CNOT2: variants seen among roughly 807,000 people sequenced by gnomAD.
The protein encoded by CNOT2 is CC chemokine receptor 4-negative regulator of transcription 2.
Under a neutral mutation model 72.1 loss-of-function variants are expected in CNOT2, and 7 were observed. That is an observed-to-expected ratio of 0.10 (90% CI 0.06 to 0.18). CNOT2 has a LOEUF of 0.18. CNOT2 is among the 10% of genes least tolerant of loss of function. CNOT2 has a pLI of 1.00. For missense variants in CNOT2, 345 were observed against 660.3 expected (o/e 0.52, Z 5.23); for synonymous variants, 196 against 225.6 (o/e 0.87, Z 1.17).
chr12:70,335,810 TCAG>T, intron 8 of CNOT2: 1 of 296,412 alleles, frequency 3.4e-6, no homozygotes, highest in East Asian at 6.0e-5. Flanking sequence ...TCATTGGTAT[TCAG>T]AAGTTATTTT....
intron 2 of CNOT2, chr12:70,308,021 T>A (rs1053852374): frequency 2.0e-5 from 3 of 152,342 alleles, no homozygotes; most frequent in African/African-American, 7.2e-5. Context: ...CTATATGGTC[T>A]AGCCCCAACC....
intron 4 of CNOT2, among the ~76,000 whole-genome samples, chr12:70,321,257 G>A (rs1217075274): frequency 1.3e-5 from 2 of 151,726 alleles, no homozygotes; most frequent in Admixed American, 6.6e-5. Context: ...TCAGGTCAGG[G>A]TGTAATTATG....
intron 15 of CNOT2, among the ~76,000 whole-genome samples, chr12:70,350,003 ATT>A (rs569195970): frequency 6.9e-6 from 1 of 145,222 alleles, no homozygotes; most frequent in African/African-American, 2.5e-5. Flanking sequence ...GCCAGATCCT[ATT>A]TTTTTTTTTA....
chr12:70,333,274 AC>A (rs1333212229), intron 7 of CNOT2, among the ~76,000 whole-genome samples: 3 of 151,862 alleles, frequency 2.0e-5, no homozygotes, highest in African/African-American at 7.2e-5. Context: ...TGGAACACTT[AC>A]GTTTTTTCTT....
chr12:70,292,684 G>T (rs978632787), intron 2 of CNOT2, among the ~76,000 whole-genome samples: 1 of 152,162 alleles, frequency 6.6e-6, no homozygotes, highest in Non-Finnish European at 1.5e-5. Flanking sequence ...CCTTGGTAAT[G>T]GTGCAGGAGT....
chr12:70,282,700 C>T (rs530359833), intron 2 of CNOT2, among the ~76,000 whole-genome samples: 1 of 152,318 alleles, frequency 6.6e-6, no homozygotes, highest in East Asian at 1.9e-4. Flanking sequence ...CCTCTGCCCT[C>T]TTCCCCAGAA....
Position 70,342,088 on chromosome 12 carries a change from T to C in CNOT2, c.1179-19T>C. 6.8e-7 allele frequency: 1 copy of C among 1,478,640 alleles called. No homozygotes were observed. Among genetic ancestry groups the C allele is most frequent in the South Asian group, 1.1e-5 (1 of 88,014 alleles). 91.6% of individuals were successfully genotyped at this position (1,478,640 alleles called of 1,614,324 possible). The stretch of plus-strand genomic sequence containing the variant: ...TCTTTTTCTGGATTTCAAAATGTTT[T>C]CTTTTCCTCCTTATTCAGAAATCTC... On this transcript the variant is annotated intron_variant, in intron 11 of 15. Coordinates refer to ENST00000229195, the MANE Select transcript of CNOT2 (RefSeq NM_014515.7).
At chr12:70,275,024 G>A (rs1345042423) in intron 1 of CNOT2, among the ~76,000 whole-genome samples, 1 of 152,022 alleles carries the variant, frequency 6.6e-6, no homozygotes, top group Non-Finnish European at 1.5e-5. Context: ...TAACTTTGGG[G>A]CATAGTTGCT....
At chr12:70,311,609 A>G (rs1876473344) in intron 3 of CNOT2, among the ~76,000 whole-genome samples, 1 of 152,040 alleles carries the variant, frequency 6.6e-6, no homozygotes, top group African/African-American at 2.4e-5. Flanking sequence ...GGATAAAAGG[A>G]TTTAGAATGC....
At chr12:70,304,036 C>G (rs868338130) in intron 2 of CNOT2, among the ~76,000 whole-genome samples, 13 of 152,166 alleles carry the variant, frequency 8.5e-5, no homozygotes, top group African/African-American at 3.1e-4. Context: ...GTTCTCGTGC[C>G]GTGGTTTTCA....
At chr12:70,329,911 C>T (rs1264232520) in intron 5 of CNOT2, among the ~76,000 whole-genome samples, 1 of 151,982 alleles carries the variant, frequency 6.6e-6, no homozygotes, top group Non-Finnish European at 1.5e-5. Context: ...CGCCACACAT[C>T]CATTGCTCTA....
chr12:70,243,873 C>T (rs1368993593), intron 1 of CNOT2: 2 of 152,252 alleles, frequency 1.3e-5, no homozygotes, highest in Admixed American at 6.5e-5. Flanking sequence ...GAGCCGCTGC[C>T]GCCGCGCTGC....
At chr12:70,290,383 T>C (rs1415195802) in intron 2 of CNOT2, among the ~76,000 whole-genome samples, 1 of 152,138 alleles carries the variant, frequency 6.6e-6, no homozygotes, top group Non-Finnish European at 1.5e-5. Flanking sequence ...CTGGCTGCCT[T>C]TAATTGCCCT....
chr12:70,294,210 C>G (rs1437418754), intron 2 of CNOT2: 1 of 1,289,376 alleles, frequency 7.8e-7, no homozygotes, highest in East Asian at 5.6e-5. Flanking sequence ...CATGGCTCAC[C>G]CTCCAACCTT....
chr12:70,340,978 C>T (rs1050927648), intron 11 of CNOT2, among the ~76,000 whole-genome samples: 8 of 150,018 alleles, frequency 5.3e-5, no homozygotes, highest in Non-Finnish European at 1.2e-4. Context: ...TCATTACAAC[C>T]TCCACCTCCC....
At chr12:70,298,128 T>C (rs1873148946) in intron 2 of CNOT2, among the ~76,000 whole-genome samples, 2 of 152,248 alleles carry the variant, frequency 1.3e-5, no homozygotes, top group African/African-American at 4.8e-5. Flanking sequence ...TACATGTGAT[T>C]AGTCTTGTAG....
chr12:70,315,938 T>A (rs1239650025), intron 3 of CNOT2, among the ~76,000 whole-genome samples: 1 of 152,210 alleles, frequency 6.6e-6, no homozygotes, highest in African/African-American at 2.4e-5. Flanking sequence ...CTCAAGAGTC[T>A]GAATGCCCCC....
chr12:70,285,611 A>C (rs1342090441), intron 2 of CNOT2: 1 of 151,306 alleles, frequency 6.6e-6, no homozygotes, highest in African/African-American at 2.4e-5. Context: ...TTTTTTTTTA[A>C]ATCTTTCTGA....
chr12:70,332,871 C>A, intron 7 of CNOT2, 25 bp downstream of exon 7: 2 of 1,559,504 alleles, frequency 1.3e-6, no homozygotes, highest in Non-Finnish European at 1.7e-6. Flanking sequence ...GAGCTAGTAC[C>A]CTACAAAAAG....
Sources: allele counts gnomAD v4.1 joint callset (sites outside exome capture counted in the v4.1 genomes callset), GRCh38; gene constraint gnomAD v4.1.1; transcripts MANE v1.5; gene names NCBI Gene and HGNC (gene_info 2026-07-23, HGNC 2026-07-21).